The following LRRIQ3 variants were observed in gnomAD, a reference collection of about 807,000 sequenced individuals.
LRRIQ3 encodes the protein leucine rich repeats and IQ motif containing 3, also known as leucine-rich repeat and IQ domain-containing protein 3.
In LRRIQ3, 75 loss-of-function variants were observed where a neutral mutation model predicts 59.3. That is an observed-to-expected ratio of 1.26 (90% confidence interval 1.05 to 1.53). The LOEUF (loss-of-function observed/expected upper bound fraction) is 1.53, where lower values mean the gene tolerates loss of function less well. LRRIQ3 is among the 40% of genes most tolerant of loss of function. The pLI is 0.00. For synonymous variants in LRRIQ3, 250 were observed against 231.3 expected (o/e 1.08, Z -0.73); for missense variants, 831 against 710.0 (o/e 1.17, Z -1.94).
chr1:74,137,149 A>G (rs1041122755), intron 4 of LRRIQ3, among the ~76,000 whole-genome samples: 2 of 151,928 alleles, frequency 1.3e-5, no homozygotes, highest in African/African-American at 2.4e-5. Context: ...TTACAGGGGG[A>G]AAAGCATCTC....
chr1:74,047,763 T>C (rs1306715782), intron 6 of LRRIQ3, among the ~76,000 whole-genome samples: 1 of 152,036 alleles, frequency 6.6e-6, no homozygotes, highest in Admixed American at 6.6e-5. Context: ...TTTTAAAAAA[T>C]CTGTTGTTTA....
In LRRIQ3 at chr1:74,040,075, A is replaced by T. The variant is rs191828411; in HGVS notation, c.1718+1138T>A. 2.1e-4 allele frequency among the ~76,000 whole-genome samples: 32 copies of T among 152,342 alleles called. No homozygotes were observed. In the East Asian group the frequency reaches 5.4e-3, roughly 26 times the overall value. On this transcript the variant is annotated intron_variant, in intron 7 of 7. Coordinates refer to ENST00000354431, the MANE Select transcript of LRRIQ3 (RefSeq NM_001105659.2). ...TGCAGACACACATAGGCTCAAAATA[A>T]AGGAATGGAGGAACATTTACCAAGC...
chr1:74,087,103 A>G (rs1646334871), intron 5 of LRRIQ3, among the ~76,000 whole-genome samples: 1 of 152,142 alleles, frequency 6.6e-6, no homozygotes, highest in African/African-American at 2.4e-5. Flanking sequence ...TATTATGCAT[A>G]TAACTCCACA....
chr1:74,027,971 A>T (rs1020649213), intron 7 of LRRIQ3, among the ~76,000 whole-genome samples: 12 of 152,140 alleles, frequency 7.9e-5, no homozygotes, highest in African/African-American at 2.9e-4. Flanking sequence ...GATAAAAAAA[A>T]GTTTAAAGTT....
At chr1:74,090,363 A>G (rs925872805) in intron 5 of LRRIQ3, among the ~76,000 whole-genome samples, 26 of 152,054 alleles carry the variant, frequency 1.7e-4, no homozygotes, top group Admixed American at 1.7e-3. Context: ...GAAGATGAGA[A>G]AACTATGAGA....
At chr1:74,052,574 C>A (rs1430575169) in intron 6 of LRRIQ3, among the ~76,000 whole-genome samples, 1 of 152,082 alleles carries the variant, frequency 6.6e-6, no homozygotes, top group Non-Finnish European at 1.5e-5. Flanking sequence ...TAATGGTAGA[C>A]ATCTCTAATA....
intron 3 of LRRIQ3, among the ~76,000 whole-genome samples, chr1:74,158,325 G>T (rs966442646): frequency 4.6e-5 from 7 of 151,860 alleles, no homozygotes; most frequent in African/African-American, 1.7e-4. Context: ...TTATTGGCTT[G>T]CCAATGAAAG....
chr1:74,099,071 A>T (rs1646491550), intron 5 of LRRIQ3, among the ~76,000 whole-genome samples: 1 of 152,170 alleles, frequency 6.6e-6, no homozygotes, highest in African/African-American at 2.4e-5. Flanking sequence ...GAATTGAAGG[A>T]GATAGAGACA....
chr1:74,165,987 G>A (rs982099758), intron 3 of LRRIQ3, among the ~76,000 whole-genome samples: 2 of 151,424 alleles, frequency 1.3e-5, no homozygotes, highest in African/African-American at 2.4e-5. Context: ...AGATTTCTAT[G>A]CTTATGCTCT....
chr1:74,038,984 T>C (rs1301782989), intron 7 of LRRIQ3, among the ~76,000 whole-genome samples: 3 of 152,102 alleles, frequency 2.0e-5, no homozygotes, highest in Admixed American at 6.6e-5. Context: ...GATGGGTGGA[T>C]TGACAGAAGT....
intron 4 of LRRIQ3, among the ~76,000 whole-genome samples, chr1:74,128,566 A>C (rs1646968092): frequency 6.6e-6 from 1 of 152,122 alleles, no homozygotes; most frequent in Admixed American, 6.6e-5. Flanking sequence ...CTGAAAGTTC[A>C]CATATGTCTC....
intron 3 of LRRIQ3, among the ~76,000 whole-genome samples, chr1:74,164,434 T>A (rs1051451019): frequency 6.6e-6 from 1 of 151,504 alleles, no homozygotes; most frequent in Non-Finnish European, 1.5e-5. Flanking sequence ...TACAAGCCAA[T>A]GAGAGAGTCT....
In LRRIQ3 at chr1:74,071,879, A is replaced by G. The variant is rs142861017; in HGVS notation, c.997+2782T>C. ...GTCCCTTTCATTAGTGTATTTATCT[A>G]ATAAATATTTTAAAAGTTTTGCCAA... is the stretch of plus-strand genomic sequence containing the variant. On this transcript the variant is annotated intron_variant, in intron 6 of 7. Coordinates refer to ENST00000354431, the MANE Select transcript of LRRIQ3 (RefSeq NM_001105659.2). Among the ~76,000 whole-genome samples, 574 of 152,184 alleles carry G rather than the reference A, an allele frequency of 3.8e-3. 5 individuals carry two copies. The highest frequency in any genetic ancestry group is 0.013 in the African/African-American group (545 of 41,540).
At chr1:74,091,912 T>C (rs75132531) in intron 5 of LRRIQ3, among the ~76,000 whole-genome samples, 5,097 of 152,238 alleles carry the variant, frequency 0.033, 303 homozygotes, top group African/African-American at 0.12. Context: ...TTTACCTTTG[T>C]TTTCATAATA....
At chr1:74,085,323 C>A (rs1206966978) in intron 5 of LRRIQ3, among the ~76,000 whole-genome samples, 33 of 121,560 alleles carry the variant, frequency 2.7e-4, no homozygotes, top group African/African-American at 8.8e-4. Flanking sequence ...TACATGGTGG[C>A]AAAAAAAAAA....
At chr1:74,065,136 G>T (rs1429353233) in intron 6 of LRRIQ3, among the ~76,000 whole-genome samples, 1 of 152,030 alleles carries the variant, frequency 6.6e-6, no homozygotes, top group Non-Finnish European at 1.5e-5. Context: ...ACTATCACAA[G>T]ATAGCTGGCA....
chr1:74,085,701 A>G (rs1646320586), intron 5 of LRRIQ3, among the ~76,000 whole-genome samples: 1 of 152,008 alleles, frequency 6.6e-6, no homozygotes, highest in Non-Finnish European at 1.5e-5. Context: ...AAGGCAAATG[A>G]ACAAAGGCTT....
At chr1:74,087,407 T>A (rs771615325) in intron 5 of LRRIQ3, among the ~76,000 whole-genome samples, 4 of 75,024 alleles carry the variant, frequency 5.3e-5, no homozygotes, top group Admixed American at 5.3e-4. Flanking sequence ...TTTTTTTTTT[T>A]ACTTTTTGGC....
intron 3 of LRRIQ3, among the ~76,000 whole-genome samples, chr1:74,179,689 A>C (rs543094748): frequency 6.6e-6 from 1 of 151,986 alleles, no homozygotes; most frequent in East Asian, 1.9e-4. Flanking sequence ...AATCAAAAGA[A>C]CTTTGCTTAG....
Sources: gnomAD v4.1 joint callset for allele counts (sites outside exome capture counted in the v4.1 genomes callset) on GRCh38, gnomAD v4.1.1 for gene constraint, MANE v1.5 for transcripts, NCBI Gene and HGNC (gene_info 2026-07-23, HGNC 2026-07-21) for gene names.